Variants in STK3 observed in about 807,000 individuals in gnomAD.
STK3 encodes the protein serine/threonine kinase 3, also known as serine/threonine-protein kinase 3.
A neutral mutation model predicts 58.0 loss-of-function variants in STK3; 41 were observed. The ratio of observed to expected loss-of-function variants is 0.71; its 90% confidence interval spans 0.55 to 0.92. The LOEUF (loss-of-function observed/expected upper bound fraction) is 0.92, where lower values mean the gene tolerates loss of function less well. Ranked by LOEUF, STK3 falls within the 40% of genes least tolerant of loss-of-function variation. The pLI is 0.00. For synonymous variants in STK3, 170 were observed against 191.0 expected (o/e 0.89, Z 0.91); for missense variants, 479 against 602.7 (o/e 0.79, Z 2.15).
At chr8:98,663,629 TA>T (rs1563864648) in intron 6 of STK3, among the ~76,000 whole-genome samples, 2 of 152,096 alleles carry the variant, frequency 1.3e-5, no homozygotes, top group East Asian at 1.9e-4. Context: ...CCCAAATGTC[TA>T]AAAATGATAG....
intron 6 of STK3, among the ~76,000 whole-genome samples, chr8:98,687,232 G>C (rs1343356497): frequency 2.0e-5 from 3 of 152,198 alleles, no homozygotes; most frequent in Non-Finnish European, 4.4e-5. Context: ...TTGGCGCAAG[G>C]AACCGGTTTC....
chr8:98,826,025 GCCCCA>G (rs1392219424), upstream of STK3, among the ~76,000 whole-genome samples: 5 of 151,740 alleles, frequency 3.3e-5, no homozygotes, highest in South Asian at 1.0e-3. Flanking sequence ...GGCCTGGCTG[GCCCCA>G]GAGCCCCGTG....
intron 6 of STK3, among the ~76,000 whole-genome samples, chr8:98,670,946 C>A (rs1822786713): frequency 6.6e-6 from 1 of 152,122 alleles, no homozygotes; most frequent in Non-Finnish European, 1.5e-5. Context: ...GCAGTTGTGG[C>A]AGCTGTGGGA....
At position 98,825,500 on chromosome 8, in the gene STK3, T is replaced by G; in HGVS notation, c.26+15A>C. On this transcript the variant is annotated intron_variant, in intron 1 of 10. Coordinates refer to ENST00000419617, the MANE Select transcript of STK3 (RefSeq NM_006281.4). ...GCGCCGCTTCCCTCCTTCTTCCCGC[T>G]CCCCGATTCGTTACCTCTTAGGCGC... is the stretch of plus-strand genomic sequence containing the variant. The G allele has an allele frequency of 6.9e-7, 1 of 1,444,302 alleles. No homozygotes were observed. Among genetic ancestry groups the G allele is most frequent in the Non-Finnish European group, 9.1e-7 (1 of 1,093,278 alleles). 89.5% of individuals were successfully genotyped at this position (1,444,302 alleles called of 1,614,324 possible). A position where few individuals can be genotyped will look rare whatever the true frequency, so the allele number is the denominator to read the frequency against.
chr8:98,585,607 A>C (rs1352139147), intron 7 of STK3, among the ~76,000 whole-genome samples: 2 of 149,406 alleles, frequency 1.3e-5, no homozygotes, highest in Non-Finnish European at 3.0e-5. Flanking sequence ...ATGAACTTTA[A>C]AGTAGTTTTT....
At chr8:98,744,553 A>AG (rs1327260756) in intron 4 of STK3, among the ~76,000 whole-genome samples, 1 of 125,066 alleles carries the variant, frequency 8.0e-6, no homozygotes, top group Non-Finnish European at 1.6e-5. Flanking sequence ...GGACACAGGA[A>AG]GGGGAACATC....
chr8:98,846,309 C>T (rs1309991498), intron 3 of STK3, among the ~76,000 whole-genome samples: 1 of 152,140 alleles, frequency 6.6e-6, no homozygotes, highest in Non-Finnish European at 1.5e-5. Context: ...AATTTGTTCA[C>T]CCATGTCCCT....
chr8:98,464,241 ACC>A (rs1325566238), intron 10 of STK3, among the ~76,000 whole-genome samples: 1 of 152,172 alleles, frequency 6.6e-6, no homozygotes, highest in East Asian at 1.9e-4. Context: ...TTTAAGATTT[ACC>A]AGTGCATGTC....
At chr8:98,566,862 A>G (rs1344784021) in intron 8 of STK3, among the ~76,000 whole-genome samples, 1 of 152,240 alleles carries the variant, frequency 6.6e-6, no homozygotes, top group Non-Finnish European at 1.5e-5. Context: ...ACTGAAAACA[A>G]CTGGGACACC....
intron 3 of STK3, among the ~76,000 whole-genome samples, chr8:98,864,115 C>A (rs575963103): frequency 1.3e-4 from 18 of 141,724 alleles, no homozygotes; most frequent in Non-Finnish European, 1.2e-4. Flanking sequence ...AGGAGAATGG[C>A]ATGAATCGGG....
rs763651462 is a variant in STK3 at position 98,809,112 on chromosome 8, T to C, written c.26+16403A>G. On this transcript the variant is annotated intron_variant, in intron 1 of 10. Transcript: ENST00000419617. ...TCCATGGAGACATAAGCTCCTGCAC[T>C]GGGGACCCTTCCAGACCTCACCCTA... Among the ~76,000 whole-genome samples, 7 of 152,208 alleles carry C rather than the reference T, an allele frequency of 4.6e-5. No homozygotes were observed. The East Asian group carries it at 1.3e-3, about 29-fold the overall frequency.
intron 6 of STK3, chr8:98,598,405 C>T (rs1435463568): frequency 1.0e-6 from 1 of 985,312 alleles, no homozygotes; most frequent in Middle Eastern, 5.2e-4. Context: ...AGCATGAACA[C>T]CGAGCATACA....
At chr8:98,546,986 C>T (rs1242009914) in intron 9 of STK3, among the ~76,000 whole-genome samples, 2 of 151,926 alleles carry the variant, frequency 1.3e-5, no homozygotes, top group African/African-American at 4.8e-5. Context: ...GGCGGAGTAG[C>T]AAAAAGAAAA....
intron 1 of STK3, among the ~76,000 whole-genome samples, chr8:98,932,732 G>A (rs536712757): frequency 1.3e-5 from 2 of 152,194 alleles, no homozygotes; most frequent in East Asian, 1.9e-4. Flanking sequence ...TGAGGCCAAT[G>A]CTCCTGGTCC....
At chr8:98,439,653 G>A (rs562722622) in intron 1 of STK3, among the ~76,000 whole-genome samples, 52 of 152,268 alleles carry the variant, frequency 3.4e-4, no homozygotes, top group East Asian at 1.2e-3. Context: ...CAACACATGC[G>A]CACACAGTTG....
Position 98,544,352 on chromosome 8 carries a change from C to A in STK3, c.1141+3617G>T, listed in dbSNP as rs1002386642. ...GGTAATGTAATTTTTAAACTGTTTCCTTCCTGTACTATTTGTATTTAATAA... is the reference window on the plus strand; with the variant it reads ...GGTAATGTAATTTTTAAACTGTTTCATTCCTGTACTATTTGTATTTAATAA... On this transcript the variant is annotated intron_variant, in intron 9 of 10. Coordinates refer to ENST00000419617, the MANE Select transcript of STK3 (RefSeq NM_006281.4). 2.0e-5 allele frequency among the ~76,000 whole-genome samples: 3 copies of A among 152,170 alleles called. No individual in the cohort carries two copies. In the East Asian group the frequency reaches 5.8e-4, roughly 29 times the overall value.
At position 98,635,971 on chromosome 8, in the gene STK3, T is replaced by A. The variant is rs183449780; in HGVS notation, c.685-39802A>T. 6.7e-3 allele frequency among the ~76,000 whole-genome samples: 1,026 copies of A among 152,254 alleles called. 8 individuals carry two copies. Among genetic ancestry groups the A allele is most frequent in the African/African-American group, 0.023 (963 of 41,556 alleles). On this transcript the variant is annotated intron_variant, in intron 6 of 10. Transcript: ENST00000419617. ...GAGGCATCGTCTAACCATCTTTCAATAAGTTTTTAGTACATTACCTATTTT... is the reference window on the plus strand; with the variant it reads ...GAGGCATCGTCTAACCATCTTTCAAAAAGTTTTTAGTACATTACCTATTTT...
chr8:98,853,074 T>C (rs936336851), intron 3 of STK3, among the ~76,000 whole-genome samples: 2 of 151,932 alleles, frequency 1.3e-5, no homozygotes, highest in Admixed American at 6.6e-5. Flanking sequence ...TAGTCATGTG[T>C]AGTTCTAAGG....
chr8:98,478,870 C>A (rs1049560016), intron 10 of STK3, among the ~76,000 whole-genome samples: 1 of 152,192 alleles, frequency 6.6e-6, no homozygotes, highest in Non-Finnish European at 1.5e-5. Flanking sequence ...AGAGCTTTCT[C>A]TATCTGCTCT....
Sources: allele counts gnomAD v4.1 joint callset (sites outside exome capture counted in the v4.1 genomes callset), GRCh38; gene constraint gnomAD v4.1.1; transcripts MANE v1.5; gene names NCBI Gene and HGNC (gene_info 2026-07-23, HGNC 2026-07-21).